SCHIP1: variants seen among roughly 807,000 people sequenced by gnomAD.
SCHIP1 encodes the protein schwannomin interacting protein 1, also known as schwannomin-interacting protein 1.
Under a neutral mutation model 29.7 loss-of-function variants are expected in SCHIP1, and 8 were observed. That is an observed-to-expected ratio of 0.27 (90% CI 0.16 to 0.49). The LOEUF (loss-of-function observed/expected upper bound fraction) is 0.49. Among genes scored for constraint, SCHIP1 ranks in the 20% least tolerant of loss-of-function variants. The pLI is 0.99. For missense variants in SCHIP1, 193 were observed against 294.6 expected (o/e 0.66, Z 2.52); for synonymous variants, 76 against 94.9 (o/e 0.80, Z 1.16).
At chr3:159,784,840 G>C in the SCHIP1 span, among the ~76,000 whole-genome samples, 1 of 152,128 alleles carries the variant, frequency 6.6e-6, no homozygotes, top group African/African-American at 2.4e-5. Flanking sequence ...TTTTAGTAGA[G>C]ACAGGGTTTC....
the SCHIP1 span, chr3:159,765,264 G>A: frequency 8.6e-7 from 1 of 1,167,236 alleles, no homozygotes; most frequent in South Asian, 1.6e-5. Flanking sequence ...GAGGGTGGGG[G>A]CCAGGCCAGA....
chr3:159,680,384 C>A, the SCHIP1 span, among the ~76,000 whole-genome samples: 1 of 148,762 alleles, frequency 6.7e-6, no homozygotes, highest in Non-Finnish European at 1.5e-5. Flanking sequence ...CGGGGTGTGC[C>A]TGTAATCCCA....
chr3:159,475,322 TAGA>T, the SCHIP1 span, among the ~76,000 whole-genome samples: 4 of 152,146 alleles, frequency 2.6e-5, no homozygotes, highest in Non-Finnish European at 4.4e-5. Context: ...AAGCTGGACA[TAGA>T]AGACCACATA....
At chr3:159,413,174 T>C in the SCHIP1 span, among the ~76,000 whole-genome samples, 1 of 152,164 alleles carries the variant, frequency 6.6e-6, no homozygotes. Flanking sequence ...TATTCAGTTA[T>C]CTTCACCTGG....
chr3:159,526,245 T>A, the SCHIP1 span, among the ~76,000 whole-genome samples: 2 of 152,222 alleles, frequency 1.3e-5, no homozygotes, highest in Non-Finnish European at 2.9e-5. Flanking sequence ...GATGGCTCAC[T>A]GCAGCCTTGA....
chr3:159,340,359 A>G, the SCHIP1 span, among the ~76,000 whole-genome samples: 21 of 149,298 alleles, frequency 1.4e-4, no homozygotes, highest in Admixed American at 7.9e-4. Flanking sequence ...AAATAATTTT[A>G]TCTCTAATAA....
chr3:159,296,199 A>G, the SCHIP1 span, among the ~76,000 whole-genome samples: 1 of 151,454 alleles, frequency 6.6e-6, no homozygotes, highest in East Asian at 1.9e-4. Flanking sequence ...AGCCGAAATT[A>G]TTTCACATGT....
chr3:159,765,833 C>T, the SCHIP1 span: 1 of 152,214 alleles, frequency 6.6e-6, no homozygotes, highest in Non-Finnish European at 1.5e-5. Flanking sequence ...TGAATCCCTC[C>T]TTGTTTTGAT....
the SCHIP1 span, chr3:159,275,074 C>T: frequency 1.0e-6 from 1 of 974,392 alleles, no homozygotes. Context: ...GTATGAAGTG[C>T]ATAATTTTAG....
chr3:159,490,886 C>T, the SCHIP1 span, among the ~76,000 whole-genome samples: 1 of 152,118 alleles, frequency 6.6e-6, no homozygotes, highest in Non-Finnish European at 1.5e-5. Flanking sequence ...TGGCTCTACA[C>T]CAAGAAGTTT....
At chr3:159,650,391 A>G in the SCHIP1 span, among the ~76,000 whole-genome samples, 1 of 152,200 alleles carries the variant, frequency 6.6e-6, no homozygotes, top group African/African-American at 2.4e-5. Flanking sequence ...ACAAAATAAA[A>G]TTGTTGTAGA....
At chr3:159,816,214 G>A in the SCHIP1 span, among the ~76,000 whole-genome samples, 1,628 of 151,826 alleles carry the variant, frequency 0.011, 26 homozygotes, top group African/African-American at 0.038. Flanking sequence ...TTCTCAAAGT[G>A]CTGGGATTAC....
At chr3:159,740,973 G>A in the SCHIP1 span, among the ~76,000 whole-genome samples, 1 of 151,772 alleles carries the variant, frequency 6.6e-6, no homozygotes, top group Admixed American at 6.6e-5. Flanking sequence ...AAAGCCTCTT[G>A]CAGACCAAAC....
intron 1 of SCHIP1, among the ~76,000 whole-genome samples, chr3:159,841,525 G>T (rs779150122): frequency 6.6e-6 from 1 of 152,160 alleles, no homozygotes; most frequent in Non-Finnish European, 1.5e-5. Flanking sequence ...ATGGCTCCAG[G>T]TGATTGAATT....
the SCHIP1 span, among the ~76,000 whole-genome samples, chr3:159,704,374 G>A: frequency 7.4e-6 from 1 of 134,540 alleles, no homozygotes; most frequent in Non-Finnish European, 1.5e-5. Flanking sequence ...GGCGGAGGTT[G>A]TAGTGAGCCA....
the SCHIP1 span, among the ~76,000 whole-genome samples, chr3:159,359,001 C>T: frequency 7.8e-6 from 1 of 127,826 alleles, no homozygotes; most frequent in Non-Finnish European, 1.5e-5. Flanking sequence ...AGTCTCAGTT[C>T]ACTGCAACCT....
rs148749543 is a variant in SCHIP1, at chr3:159,875,531, A to G, written c.149+9250A>G. Among the ~76,000 whole-genome samples the G allele has an allele frequency of 2.7e-3, 417 of 152,330 alleles. 2 individuals carry two copies. Among genetic ancestry groups the G allele is most frequent in the African/African-American group, 9.4e-3 (392 of 41,576 alleles). On this transcript the variant is annotated intron_variant, in intron 2 of 6. Transcript: ENST00000445224. ...TCTAGGAATTATTTTTCATTGGTGC[A>G]TCATCTTTGACAAGCTATGATGACT...
the SCHIP1 span, among the ~76,000 whole-genome samples, chr3:159,784,559 C>T: frequency 1.3e-5 from 2 of 152,252 alleles, no homozygotes; most frequent in Admixed American, 1.3e-4. Flanking sequence ...TCTAAGGAAT[C>T]CTGGTGACGT....
At chr3:159,291,171 A>G in the SCHIP1 span, among the ~76,000 whole-genome samples, 16 of 152,226 alleles carry the variant, frequency 1.1e-4, no homozygotes, top group African/African-American at 3.6e-4. Context: ...AAGTACACAG[A>G]GGTTTTTCTG....
Sources: gnomAD v4.1 joint callset for allele counts (sites outside exome capture counted in the v4.1 genomes callset) on GRCh38, gnomAD v4.1.1 for gene constraint, MANE v1.5 for transcripts, NCBI Gene and HGNC (gene_info 2026-07-23, HGNC 2026-07-21) for gene names.